Variants in NCAM1 observed in about 807,000 individuals in gnomAD.
NCAM1 encodes neural cell adhesion molecule 1.
Under a neutral mutation model 109.8 loss-of-function variants are expected in NCAM1, and 14 were observed. The ratio of observed to expected loss-of-function variants is 0.13; its 90% confidence interval spans 0.08 to 0.20. The LOEUF (loss-of-function observed/expected upper bound fraction) is 0.20, where lower values mean the gene tolerates loss of function less well. NCAM1 is among the 10% of genes least tolerant of loss of function. The probability of loss-of-function intolerance (pLI) is 1.00; values close to 1 mark genes in which losing one functional copy is unlikely to be tolerated. For synonymous variants in NCAM1, 418 were observed against 442.9 expected (o/e 0.94, Z 0.70); for missense variants, 774 against 1,109.9 (o/e 0.70, Z 4.30).
chr11:113,262,733 C>T, intron 17 of NCAM1: 2 of 1,186,722 alleles, frequency 1.7e-6, no homozygotes, highest in Non-Finnish European at 2.4e-6. Context: ...CCCTCCCCTT[C>T]CTGTGTCTGT....
chr11:113,083,074 G>A (rs1555087584), intron 1 of NCAM1, among the ~76,000 whole-genome samples: 1 of 151,582 alleles, frequency 6.6e-6, no homozygotes, highest in Non-Finnish European at 1.5e-5. Context: ...TTTCTTGAGG[G>A]AAGACAAATT....
chr11:113,113,947 CTT>C (rs1940565141), intron 1 of NCAM1, among the ~76,000 whole-genome samples: 1 of 152,220 alleles, frequency 6.6e-6, no homozygotes, highest in South Asian at 2.1e-4. Flanking sequence ...AGAGCCTTCT[CTT>C]CCAGTTGACA....
At chr11:113,108,781 G>GTT (rs200125250) in intron 1 of NCAM1, among the ~76,000 whole-genome samples, 54 of 139,504 alleles carry the variant, frequency 3.9e-4, no homozygotes, top group East Asian at 1.1e-3. Flanking sequence ...GTTTTTTTTT[G>GTT]TTTTTTTTTT....
At chr11:113,164,418 G>T (rs1555104915) in intron 1 of NCAM1, among the ~76,000 whole-genome samples, 2 of 152,020 alleles carry the variant, frequency 1.3e-5, no homozygotes, top group Non-Finnish European at 2.9e-5. Context: ...GATCCCACAG[G>T]CTAAAGGCTC....
intron 1 of NCAM1, among the ~76,000 whole-genome samples, chr11:113,163,363 T>C (rs782047147): frequency 1.1e-4 from 17 of 152,226 alleles, no homozygotes; most frequent in Non-Finnish European, 2.9e-5. Context: ...CCAGGCAGAT[T>C]TAATGCCTTT....
At chr11:112,970,908 G>T (rs922068578) in intron 1 of NCAM1, among the ~76,000 whole-genome samples, 1 of 152,092 alleles carries the variant, frequency 6.6e-6, no homozygotes, top group East Asian at 1.9e-4. Flanking sequence ...ATCCCAAATG[G>T]TAGATGACTG....
At chr11:113,096,157 T>G (rs1428824089) in intron 1 of NCAM1, among the ~76,000 whole-genome samples, 2 of 152,108 alleles carry the variant, frequency 1.3e-5, no homozygotes, top group Non-Finnish European at 2.9e-5. Flanking sequence ...GGATAGCTAT[T>G]GACTGTGAGA....
At chr11:113,133,403 C>T (rs1426532986) in intron 1 of NCAM1, 1 of 152,160 alleles carries the variant, frequency 6.6e-6, no homozygotes, top group Non-Finnish European at 1.5e-5. Context: ...CTGCTGTGTT[C>T]TGTTGCAATG....
chr11:113,075,760 C>T (rs1591304449), intron 1 of NCAM1, among the ~76,000 whole-genome samples: 1 of 152,170 alleles, frequency 6.6e-6, no homozygotes, highest in Admixed American at 6.5e-5. Flanking sequence ...CACATACCCT[C>T]CTAGAAATTC....
chr11:113,210,686 C>T (rs1048995706), intron 7 of NCAM1, among the ~76,000 whole-genome samples: 1 of 151,136 alleles, frequency 6.6e-6, no homozygotes, highest in Admixed American at 6.6e-5. Context: ...TGGGTCAGGT[C>T]GACGGGAGGA....
At chr11:113,208,826 T>TTAA (rs1944314551) in intron 7 of NCAM1, among the ~76,000 whole-genome samples, 2 of 152,226 alleles carry the variant, frequency 1.3e-5, no homozygotes, top group South Asian at 4.1e-4. Flanking sequence ...CACGGCGTTA[T>TTAA]CCCTGTGACT....
intron 1 of NCAM1, among the ~76,000 whole-genome samples, chr11:113,158,450 T>A (rs1555103822): frequency 6.6e-6 from 1 of 152,220 alleles, no homozygotes; most frequent in East Asian, 1.9e-4. Flanking sequence ...TGTACTTCAG[T>A]GCACAGCAGA....
chr11:113,004,589 G>A (rs1364921773), intron 1 of NCAM1, among the ~76,000 whole-genome samples: 5 of 151,906 alleles, frequency 3.3e-5, no homozygotes, highest in South Asian at 2.1e-4. Context: ...GGCTTCCAAC[G>A]TTGATGTCAG....
chr11:113,025,820 A>AGG (rs1952527955), intron 1 of NCAM1, among the ~76,000 whole-genome samples: 1 of 138,646 alleles, frequency 7.2e-6, no homozygotes, highest in East Asian at 2.5e-4. Context: ...AGAGAGAGAG[A>AGG]GAGGGAGAGA....
At chr11:112,967,995 C>T (rs1257741996) in intron 1 of NCAM1, among the ~76,000 whole-genome samples, 1 of 152,198 alleles carries the variant, frequency 6.6e-6, no homozygotes, top group Non-Finnish European at 1.5e-5. Context: ...CCCAGTCCCC[C>T]AGAGCCTTGG....
Position 113,214,654 on chromosome 11 carries a change from C to T in NCAM1, c.1059+143C>T, listed in dbSNP as rs1944476798. 3 of 876,606 alleles carry T rather than the reference C, an allele frequency of 3.4e-6. No homozygotes were observed. In the Admixed American group the frequency reaches 8.6e-5, roughly 25 times the overall value. The allele number at this position is 876,606 out of a possible 1,614,324, so 54.3% of individuals were successfully genotyped here. Reference sequence around the variant, plus strand: ...CAGCCAGATCCCGGGGCCTCCCTCCCCAACCCTGCAGGACATGGCCTGCTC... The same window carrying T: ...CAGCCAGATCCCGGGGCCTCCCTCCTCAACCCTGCAGGACATGGCCTGCTC... On this transcript the variant is annotated intron_variant, in intron 8 of 19. Coordinates refer to ENST00000316851, the MANE Select transcript of NCAM1 (RefSeq NM_181351.5).
In NCAM1 at chr11:112,991,193, A is replaced by G. The variant is rs151232288; in HGVS notation, c.52+29529A>G. ...ATGATGGGTAATAGTATCAGGATTC[A>G]GTATCTCAGTAAGTTCGATTAATGA... On this transcript the variant is annotated intron_variant, in intron 1 of 19. Coordinates refer to ENST00000316851, the MANE Select transcript of NCAM1 (RefSeq NM_181351.5). Among the ~76,000 whole-genome samples, 205 of 152,358 alleles carry G rather than the reference A, an allele frequency of 1.3e-3. 2 individuals are homozygous for G. Among genetic ancestry groups the G allele is most frequent in the African/African-American group, 4.8e-3 (200 of 41,592 alleles).
intron 7 of NCAM1, among the ~76,000 whole-genome samples, chr11:113,213,729 C>T (rs908243275): frequency 2.6e-5 from 4 of 152,188 alleles, no homozygotes; most frequent in South Asian, 2.1e-4. Context: ...CCAACATTAC[C>T]GCACATCTGG....
chr11:113,179,977 G>A (rs782415418), intron 1 of NCAM1, among the ~76,000 whole-genome samples: 3 of 152,052 alleles, frequency 2.0e-5, no homozygotes, highest in Non-Finnish European at 4.4e-5. Flanking sequence ...GTAGAAACTG[G>A]GGACCCTGAG....
Sources: gnomAD v4.1 joint callset for allele counts (sites outside exome capture counted in the v4.1 genomes callset) on GRCh38, gnomAD v4.1.1 for gene constraint, MANE v1.5 for transcripts, NCBI Gene and HGNC (gene_info 2026-07-23, HGNC 2026-07-21) for gene names.